Variants in SLC15A1 observed in about 807,000 individuals in gnomAD.
SLC15A1 encodes solute carrier family 15 member 1, also known as Caco-2 oligopeptide transporter.
SLC15A1 carries 83 observed loss-of-function variants against 92.9 expected under a neutral mutation model. That is an observed-to-expected ratio of 0.89 (90% CI 0.75 to 1.07). SLC15A1 has a LOEUF of 1.07. SLC15A1 is among the 50% of genes least tolerant of loss of function. The pLI, the probability that SLC15A1 is intolerant of heterozygous loss-of-function variation, is 0.00. For missense variants in SLC15A1, 857 were observed against 880.1 expected (o/e 0.97, Z 0.33); for synonymous variants, 322 against 318.2 (o/e 1.01, Z -0.13).
At chr13:98,719,148 T>C in intron 8 of SLC15A1, 89 bp downstream of exon 8, 1 of 863,290 alleles carries the variant, frequency 1.2e-6, no homozygotes, top group Admixed American at 2.2e-5. Context: ...TGCCACTTGT[T>C]ACATGCACTT....
chr13:98,723,651 C>T (rs371768938), intron 5 of SLC15A1, among the ~76,000 whole-genome samples: 15 of 152,140 alleles, frequency 9.9e-5, no homozygotes, highest in Non-Finnish European at 2.9e-5. Flanking sequence ...GAATCCCCTG[C>T]GCACTGACTG....
At position 98,750,827 on chromosome 13, in the gene SLC15A1, C is replaced by T. The variant is rs188642282; in HGVS notation, c.4+1768G>A. Among the ~76,000 whole-genome samples the T allele has an allele frequency of 8.6e-5, 13 of 151,756 alleles. No homozygotes were observed. In the East Asian group the frequency reaches 2.5e-3, roughly 29 times the overall value. On this transcript the variant is annotated intron_variant, in intron 1 of 22. Coordinates refer to ENST00000376503, the MANE Select transcript of SLC15A1 (RefSeq NM_005073.4). ...AGTGCGGTGGCACCACGTTGGCTCA[C>T]TGCAACCTTCGTCTCCTGGGTTCAA...
intron 15 of SLC15A1, 90 bp downstream of exon 15, chr13:98,708,596 C>G: frequency 1.7e-6 from 2 of 1,175,912 alleles, no homozygotes; most frequent in Non-Finnish European, 1.2e-6. Flanking sequence ...TTGGCCTCCC[C>G]TAATCCCCTT....
intron 1 of SLC15A1, among the ~76,000 whole-genome samples, chr13:98,751,809 G>A (rs1439514172): frequency 1.3e-5 from 2 of 152,194 alleles, no homozygotes; most frequent in African/African-American, 2.4e-5. Context: ...CCTCAACAAC[G>A]TGGCCACATC....
chr13:98,725,845 C>G (rs1418189451), intron 4 of SLC15A1, among the ~76,000 whole-genome samples: 1 of 152,206 alleles, frequency 6.6e-6, no homozygotes, highest in Non-Finnish European at 1.5e-5. Context: ...CCCACCTCAG[C>G]CTCCCAGCTA....
At chr13:98,714,209 G>A (rs2088192759) in intron 9 of SLC15A1, among the ~76,000 whole-genome samples, 1 of 152,108 alleles carries the variant, frequency 6.6e-6, no homozygotes, top group South Asian at 2.1e-4. Flanking sequence ...GGACTTGGAT[G>A]GGTAATTGGT....
chr13:98,725,652 C>T (rs2088292038), intron 4 of SLC15A1, among the ~76,000 whole-genome samples: 1 of 152,202 alleles, frequency 6.6e-6, no homozygotes, highest in South Asian at 2.1e-4. Flanking sequence ...AAATGTCAGG[C>T]ACTGTTTCAG....
intron 8 of SLC15A1, among the ~76,000 whole-genome samples, chr13:98,717,302 G>A (rs1444209632): frequency 6.6e-6 from 1 of 152,138 alleles, no homozygotes; most frequent in Non-Finnish European, 1.5e-5. Flanking sequence ...ATGCAGACAT[G>A]GATGGTAAAG....
intron 1 of SLC15A1, among the ~76,000 whole-genome samples, chr13:98,742,728 G>A (rs1594011280): frequency 6.6e-6 from 1 of 152,118 alleles, no homozygotes; most frequent in Non-Finnish European, 1.5e-5. Context: ...CGTGGCGCTT[G>A]CCCTGTGTAT....
intron 21 of SLC15A1, among the ~76,000 whole-genome samples, chr13:98,686,940 CTTT>C (rs2087933542): frequency 2.9e-5 from 4 of 136,852 alleles, no homozygotes; most frequent in East Asian, 2.8e-4. Flanking sequence ...TAAACTTTTT[CTTT>C]TTCTTCTTTT....
chr13:98,695,040 A>G (rs1183729491), intron 18 of SLC15A1, among the ~76,000 whole-genome samples: 114 of 151,544 alleles, frequency 7.5e-4, no homozygotes, highest in African/African-American at 2.7e-3. Context: ...AAAAAAAAAA[A>G]AGAGATGCAT....
intron 1 of SLC15A1, among the ~76,000 whole-genome samples, chr13:98,747,696 C>T (rs933248659): frequency 4.6e-5 from 7 of 152,246 alleles, no homozygotes; most frequent in South Asian, 2.1e-4. Context: ...TCCTGGCCAA[C>T]GTGGTGAAAC....
chr13:98,715,834 G>C lies in SLC15A1; in HGVS notation c.723+44C>G, dbSNP rs754128060. 4.8e-6 allele frequency: 7 copies of C among 1,473,286 alleles called. No individual in the cohort carries two copies. In the African/African-American group the frequency reaches 9.7e-5, roughly 20 times the overall value. The allele number at this position is 1,473,286 out of a possible 1,614,324, so 91.3% of individuals were successfully genotyped here. ...TAATTTAAAGAAAGTAGAAGGTTCT[G>C]AGGTGGTTAAATAGCCTTGAGAAAG... On this transcript the variant is annotated intron_variant, in intron 9 of 22. Coordinates refer to ENST00000376503, the MANE Select transcript of SLC15A1 (RefSeq NM_005073.4).
chr13:98,726,341 A>G (rs1444430730), intron 3 of SLC15A1, 27 bp downstream of exon 3: 1 of 1,614,164 alleles, frequency 6.2e-7, no homozygotes, highest in South Asian at 1.1e-5. Flanking sequence ...TCTTCCCTGA[A>G]GGGTGAGAAA....
In SLC15A1 at chr13:98,702,520, C is replaced by T; in HGVS notation, c.1426G>A (p.Gly476Ser). The change falls in exon 18 of 23, where the codon GGT (glycine) becomes AGT (serine). Residue 476 changes from glycine (G) to serine (S), a missense_variant. Physicochemically the swap from Gly to Ser is moderately conservative, Grantham distance 56. Transcript: ENST00000376503. Reference sequence around the variant, plus strand: ...CCTTTTTCTGGCTTCTGGTTAAGACCATCCTTTACCTGAGAGAGAAAACAG... The same window carrying T: ...CCTTTTTCTGGCTTCTGGTTAAGACTATCCTTTACCTGAGAGAGAAAACAG... ...APNHYQVVKD[G>S]LNQKPEKGEN... 1 of 1,604,730 alleles carries T rather than the reference C, an allele frequency of 6.2e-7. No individual in the cohort carries two copies. Among genetic ancestry groups the T allele is most frequent in the Non-Finnish European group, 8.5e-7 (1 of 1,171,822 alleles).
chr13:98,732,889 C>T (rs907415820), intron 1 of SLC15A1, among the ~76,000 whole-genome samples: 8 of 152,132 alleles, frequency 5.3e-5, no homozygotes, highest in African/African-American at 1.4e-4. Context: ...ATGTCCATGT[C>T]GTAATCTCTG....
At chr13:98,696,357 G>GAGC (rs1341861651) in intron 18 of SLC15A1, among the ~76,000 whole-genome samples, 1 of 151,846 alleles carries the variant, frequency 6.6e-6, no homozygotes, top group East Asian at 1.9e-4. Flanking sequence ...AGGCTGCAGT[G>GAGC]AGCCAAGATG....
chr13:98,738,737 C>T (rs1425973571), intron 1 of SLC15A1, among the ~76,000 whole-genome samples: 1 of 152,254 alleles, frequency 6.6e-6, no homozygotes, highest in African/African-American at 2.4e-5. Flanking sequence ...GGAGCACTCA[C>T]AGAGAACCTC....
At chr13:98,726,800 T>C in intron 2 of SLC15A1, 43 bp downstream of exon 2, 1 of 1,595,224 alleles carries the variant, frequency 6.3e-7, no homozygotes, top group Non-Finnish European at 8.6e-7. Flanking sequence ...GATGATAAAA[T>C]TTACAAGATG....
Sources: gnomAD v4.1 joint callset for allele counts (sites outside exome capture counted in the v4.1 genomes callset) on GRCh38, gnomAD v4.1.1 for gene constraint, MANE v1.5 for transcripts, NCBI Gene and HGNC (gene_info 2026-07-23, HGNC 2026-07-21) for gene names.